The following GCSAM variants were observed in gnomAD, a reference collection of about 807,000 sequenced individuals.
The protein encoded by GCSAM is germinal center associated signaling and motility, also known as germinal center-associated signaling and motility protein.
Under a neutral mutation model 17.6 loss-of-function variants are expected in GCSAM, and 8 were observed. The observed-to-expected ratio is 0.46, with a 90% CI of 0.27 to 0.82. GCSAM has a LOEUF of 0.82. GCSAM is among the 40% of genes least tolerant of loss of function. The pLI, the probability that GCSAM is intolerant of heterozygous loss-of-function variation, is 0.15. For synonymous variants in GCSAM, 68 were observed against 69.0 expected, an observed-to-expected ratio of 0.98 and a Z score of 0.07; for missense variants, 192 against 213.5, an observed-to-expected ratio of 0.90 and a Z score of 0.63.
At chr3:112,131,797 A>G (rs1425780755) in intron 1 of GCSAM, among the ~76,000 whole-genome samples, 1 of 152,242 alleles carries the variant, frequency 6.6e-6, no homozygotes, top group Non-Finnish European at 1.5e-5. Context: ...AAGAGCAAAG[A>G]ATTTTAAGCA....
intron 5 of GCSAM, among the ~76,000 whole-genome samples, chr3:112,124,048 C>A (rs115603722): frequency 6.6e-6 from 1 of 152,194 alleles, no homozygotes; most frequent in Non-Finnish European, 1.5e-5. Context: ...TCGTCCCCTG[C>A]AAATCTAATG....
chr3:112,129,454 T>C (rs753003999), intron 2 of GCSAM: 1 of 152,198 alleles, frequency 6.6e-6, no homozygotes, highest in Non-Finnish European at 1.5e-5. Context: ...GTGGTTTTGG[T>C]TTGGGATGGG....
Position 112,125,225 on chromosome 3 carries a change from C to T in GCSAM, c.219+1G>A, listed in dbSNP as rs936542158. 20 of 1,563,210 alleles carry T rather than the reference C, an allele frequency of 1.3e-5. No homozygotes were observed. Among genetic ancestry groups the T allele is most frequent in the Non-Finnish European group, 1.8e-5 (20 of 1,133,868 alleles). On this transcript the variant is annotated splice_donor_variant, in intron 5 of 5. Transcript: ENST00000308910. LOFTEE classifies it high-confidence loss of function. ...AAATAGCTTAGAGATGTTCTTATTACCTGGATGGGAGTAGATGACATTCTT... is the reference window on the plus strand; with the variant it reads ...AAATAGCTTAGAGATGTTCTTATTATCTGGATGGGAGTAGATGACATTCTT...
intron 2 of GCSAM, chr3:112,129,745 C>A (rs188480540): frequency 6.6e-6 from 1 of 152,138 alleles, no homozygotes; most frequent in African/African-American, 2.4e-5. Flanking sequence ...GCCCCTAACG[C>A]GGGCATTGGT....
rs1262593673 is a variant in GCSAM, at chr3:112,123,743, C to T, written c.249G>A (p.Glu83=). Residue 83 remains glutamate, a synonymous_variant, in exon 6 of 6, where the codon GAG becomes GAA. Transcript: ENST00000308910. ...GATGATTGATGAGGGTATAGCACAG[C>T]TCCTCTGAGTAGGTCTGGTCAACAT... ...QDNVDQTYSE[E]LCYTLINHRV... 1 of 1,613,810 alleles carries T rather than the reference C, an allele frequency of 6.2e-7. No homozygotes were observed. Among genetic ancestry groups the T allele is most frequent in the African/African-American group, 1.3e-5 (1 of 74,914 alleles).
intron 1 of GCSAM, among the ~76,000 whole-genome samples, chr3:112,131,465 C>T (rs924155461): frequency 5.3e-5 from 8 of 152,112 alleles, no homozygotes; most frequent in African/African-American, 1.7e-4. Flanking sequence ...CTTTTGAATA[C>T]GTTAACGGAA....
intron 1 of GCSAM, chr3:112,130,859 G>T (rs935303607): frequency 2.2e-5 from 7 of 321,682 alleles, no homozygotes; most frequent in Non-Finnish European, 4.2e-5. Flanking sequence ...CATCTCTTTG[G>T]TGCAGTTCCA....
At chr3:112,131,999 C>T (rs531336863) in intron 1 of GCSAM, among the ~76,000 whole-genome samples, 6 of 151,604 alleles carry the variant, frequency 4.0e-5, no homozygotes, top group South Asian at 4.2e-4. Flanking sequence ...ATTCAGTGCA[C>T]GTGATATGCC....
chr3:112,123,649 C>T lies in GCSAM; in HGVS notation c.343G>A (p.Glu115Lys). Reference protein sequence around the residue: ...EYYENVPCKAERPRESLGGTE... With the variant: ...EYYENVPCKAKRPRESLGGTE... ...CCTCCCAAGGACTCTCTGGGTCTCTCAGCTTTGCAGGGAACATTCTCATAG... is the reference window on the plus strand; with the variant it reads ...CCTCCCAAGGACTCTCTGGGTCTCTTAGCTTTGCAGGGAACATTCTCATAG... Residue 115 changes from glutamate (E) to lysine (K), a missense_variant, in exon 6 of 6, where the codon GAG becomes AAG. Coordinates refer to ENST00000308910, the MANE Select transcript of GCSAM (RefSeq NM_152785.5). 1.2e-6 allele frequency: 2 copies of T among 1,614,144 alleles called. No homozygotes were observed. Among genetic ancestry groups the T allele is most frequent in the Non-Finnish European group, 1.7e-6 (2 of 1,180,014 alleles).
At chr3:112,127,498 A>T (rs1018735361) in intron 3 of GCSAM, among the ~76,000 whole-genome samples, 2 of 152,204 alleles carry the variant, frequency 1.3e-5, no homozygotes, top group African/African-American at 4.8e-5. Flanking sequence ...TATAAATATA[A>T]TGGAAGCCCA....
At chr3:112,126,636 A>G (rs2074326379) in intron 4 of GCSAM, among the ~76,000 whole-genome samples, 2 of 152,168 alleles carry the variant, frequency 1.3e-5, no homozygotes. Flanking sequence ...AAAGATGAAA[A>G]TCTTTAACTT....
intron 2 of GCSAM, chr3:112,129,223 A>G (rs773650447): frequency 1.3e-5 from 2 of 152,182 alleles, no homozygotes; most frequent in Non-Finnish European, 2.9e-5. Flanking sequence ...AACCAGATTC[A>G]CTGAGGAGAA....
At chr3:112,132,724 G>A (rs900111256) in intron 1 of GCSAM, 1 of 950,026 alleles carries the variant, frequency 1.1e-6, no homozygotes, top group Non-Finnish European at 1.3e-6. Flanking sequence ...GGCTGAAAGA[G>A]GGTGGTGATT....
intron 1 of GCSAM, among the ~76,000 whole-genome samples, chr3:112,131,330 T>C (rs2074445982): frequency 1.3e-5 from 2 of 152,294 alleles, no homozygotes; most frequent in Non-Finnish European, 2.9e-5. Flanking sequence ...CATTCTATTC[T>C]GTGCAAAATT....
intron 1 of GCSAM, 63 bp from the exon 2 acceptor site, chr3:112,130,576 A>G (rs2074429741): frequency 6.8e-7 from 1 of 1,465,078 alleles, no homozygotes; most frequent in Non-Finnish European, 9.6e-7. Flanking sequence ...ACTTCTTTTC[A>G]TAATTTTTCC....
rs1448914572 is a variant in GCSAM at position 112,133,216 on chromosome 3, G to T, written c.-96C>A. ...CAACTCCTGACTTAAAGAAAGGGCTGTGTGGCTCTGGCCACCCGTGCAGAG... is the reference window on the plus strand; with the variant it reads ...CAACTCCTGACTTAAAGAAAGGGCTTTGTGGCTCTGGCCACCCGTGCAGAG... On this transcript the variant is annotated 5_prime_UTR_variant, in exon 1 of 6. Coordinates refer to ENST00000308910, the MANE Select transcript of GCSAM (RefSeq NM_152785.5). The T allele has an allele frequency of 7.3e-7, 1 of 1,364,060 alleles. No homozygotes were observed. The highest frequency in any genetic ancestry group is 1.0e-6 in the Non-Finnish European group (1 of 955,492). 84.5% of individuals were successfully genotyped at this position (1,364,060 alleles called of 1,614,324 possible). A position where few individuals can be genotyped will look rare whatever the true frequency, so the allele number is the denominator to read the frequency against.
rs200709027 is a variant in GCSAM at position 112,123,645 on chromosome 3, C to G, written c.347G>C (p.Arg116Thr). The G allele has an allele frequency of 3.6e-5, 58 of 1,614,144 alleles. No individual in the cohort carries two copies. In the Admixed American group the frequency reaches 4.0e-4, roughly 11 times the overall value. The change falls in exon 6 of 6, where the codon AGA becomes ACA. Residue 116 changes from arginine to threonine, a missense_variant. Physicochemically the swap from Arg to Thr is moderately conservative, Grantham distance 71 (BLOSUM62 -1). Coordinates refer to ENST00000308910, the MANE Select transcript of GCSAM (RefSeq NM_152785.5). Reference protein sequence around the residue: ...YYENVPCKAERPRESLGGTET... With the variant: ...YYENVPCKAETPRESLGGTET... ...AGTTCCTCCCAAGGACTCTCTGGGTCTCTCAGCTTTGCAGGGAACATTCTC... is the reference window on the plus strand; with the variant it reads ...AGTTCCTCCCAAGGACTCTCTGGGTGTCTCAGCTTTGCAGGGAACATTCTC...
At position 112,123,581 on chromosome 3, in the gene GCSAM, G is replaced by A. The variant is rs1265833360; in HGVS notation, c.411C>T (p.Asp137=). The A allele has an allele frequency of 1.9e-6, 3 of 1,614,118 alleles. No individual in the cohort carries two copies. The change falls in exon 6 of 6, where the codon GAC becomes GAT. Residue 137 remains aspartate, a synonymous_variant. Transcript: ENST00000308910. ...CTTCTGGGGATCGGGCATGCCTGGG[G>A]TCTGTAGAAGGCATATGTAGAAGTG... ...EYSLLHMPST[D]PRHARSPEDE... is the part of the protein sequence containing the mutation.
At chr3:112,126,928 A>T (rs1256940900) in intron 4 of GCSAM, 59 bp downstream of exon 4, 5 of 1,108,058 alleles carry the variant, frequency 4.5e-6, no homozygotes, top group African/African-American at 1.6e-5. Context: ...ATAGAGAAGA[A>T]GTAGTTTGGA....
Sources: allele counts gnomAD v4.1 joint callset (sites outside exome capture counted in the v4.1 genomes callset), GRCh38; gene constraint gnomAD v4.1.1; transcripts MANE v1.5; gene names NCBI Gene and HGNC (gene_info 2026-07-23, HGNC 2026-07-21).